The following PAK5 variants were observed in gnomAD, a reference collection of about 807,000 sequenced individuals.
PAK5 encodes serine/threonine-protein kinase PAK 5.
Under a neutral mutation model 65.9 loss-of-function variants are expected in PAK5, and 16 were observed. That is an observed-to-expected ratio of 0.24 (90% CI 0.16 to 0.37). The LOEUF (loss-of-function observed/expected upper bound fraction) is 0.37, where lower values mean the gene tolerates loss of function less well. Among genes scored for constraint, PAK5 ranks in the 10% least tolerant of loss-of-function variants. The pLI, the probability that PAK5 is intolerant of heterozygous loss-of-function variation, is 1.00. For synonymous variants in PAK5, 371 were observed against 354.9 expected (o/e 1.05, Z -0.51); for missense variants, 785 against 903.9 (o/e 0.87, Z 1.69).
chr20:9,641,079 T>C (rs991156152), intron 3 of PAK5, among the ~76,000 whole-genome samples: 2 of 152,104 alleles, frequency 1.3e-5, no homozygotes, highest in African/African-American at 4.8e-5. Flanking sequence ...AGGGTGCTGA[T>C]TGGTGCGTTT....
chr20:9,764,325 C>A (rs926502), intron 1 of PAK5, among the ~76,000 whole-genome samples: 109,504 of 151,886 alleles, frequency 0.72, 39,811 homozygotes, highest in East Asian at 0.89. Context: ...TGTGTAGATA[C>A]CATTAGGTCC....
At chr20:9,773,498 AT>A (rs1452654883) in intron 1 of PAK5, among the ~76,000 whole-genome samples, 2 of 151,756 alleles carry the variant, frequency 1.3e-5, no homozygotes, top group Non-Finnish European at 2.9e-5. Flanking sequence ...TTTCACTTCT[AT>A]TTTTCTGGAA....
chr20:9,733,901 T>TA (rs1295117627), intron 1 of PAK5, among the ~76,000 whole-genome samples: 1 of 152,162 alleles, frequency 6.6e-6, no homozygotes, highest in African/African-American at 2.4e-5. Flanking sequence ...AAAGTAAAAA[T>TA]AAAAATTAAA....
intron 1 of PAK5, among the ~76,000 whole-genome samples, chr20:9,775,150 A>G (rs2048874360): frequency 6.6e-6 from 1 of 152,166 alleles, no homozygotes; most frequent in Non-Finnish European, 1.5e-5. Context: ...TTTTAGAGTG[A>G]TAGAAATGTT....
At chr20:9,836,665 C>T (rs940746160) in intron 1 of PAK5, among the ~76,000 whole-genome samples, 1 of 151,980 alleles carries the variant, frequency 6.6e-6, no homozygotes, top group African/African-American at 2.4e-5. Context: ...TTATAACTGC[C>T]CTAGGAAACT....
intron 2 of PAK5, among the ~76,000 whole-genome samples, chr20:9,693,007 T>G (rs1166672288): frequency 6.6e-6 from 1 of 152,196 alleles, no homozygotes; most frequent in Non-Finnish European, 1.5e-5. Context: ...ACAGTAGCAA[T>G]GCTAGTTTCT....
At chr20:9,801,459 G>C (rs1324064782) in intron 1 of PAK5, among the ~76,000 whole-genome samples, 1 of 150,620 alleles carries the variant, frequency 6.6e-6, no homozygotes, top group Non-Finnish European at 1.5e-5. Context: ...TGTTCTTATG[G>C]AACTGTGAGA....
intron 1 of PAK5, among the ~76,000 whole-genome samples, chr20:9,742,584 T>C (rs2048462205): frequency 6.6e-6 from 1 of 152,168 alleles, no homozygotes. Flanking sequence ...CTCACAACCT[T>C]TGCTGTTACA....
At chr20:9,552,645 A>G (rs1430844096) in intron 7 of PAK5, among the ~76,000 whole-genome samples, 1 of 152,126 alleles carries the variant, frequency 6.6e-6, no homozygotes, top group Non-Finnish European at 1.5e-5. Flanking sequence ...TTTTGAGAGG[A>G]CAGAAAGCAT....
intron 3 of PAK5, among the ~76,000 whole-genome samples, chr20:9,642,633 A>T (rs2047084182): frequency 6.6e-6 from 1 of 152,192 alleles, no homozygotes; most frequent in Non-Finnish European, 1.5e-5. Flanking sequence ...TTATTATATG[A>T]TCATTAGTGA....
rs2122999952 is a variant in PAK5, at chr20:9,566,262, G to A, written c.1113C>T (p.His371=). 3 of 1,613,874 alleles carry A rather than the reference G, an allele frequency of 1.9e-6. No individual in the cohort carries two copies. The highest frequency in any genetic ancestry group is 2.5e-6 in the Non-Finnish European group (3 of 1,180,042). Residue 371 remains histidine, a synonymous_variant, in exon 5 of 10, where the codon CAC becomes CAT. Transcript: ENST00000353224. ...QSKSGYSSSS[H]QYPSGYHKAT... ...CTTTGTGGTACCCAGACGGGTACTG[G>A]TGACTGCTTGAGGAATAGCCCGATT...
Position 9,539,541 on chromosome 20 carries a change from A to G in PAK5, c.2081T>C (p.Leu694Pro). ...EPSQRATAQELLGHPFLKLAG... is the reference protein window; with the variant it reads ...EPSQRATAQEPLGHPFLKLAG... The stretch of plus-strand genomic sequence containing the variant: ...TAGTTTTAAGAATGGATGTCCGAGG[A>G]GTTCCTGGGCTGTTGCTCTCTGAGA... The change falls in exon 10 of 10, where the codon CTC becomes CCC. Residue 694 changes from leucine to proline, a missense_variant. By Grantham distance (98) the Leu-to-Pro change is moderately conservative (BLOSUM62 -3). Coordinates refer to ENST00000353224, the MANE Select transcript of PAK5 (RefSeq NM_177990.4). 1 of 1,613,812 alleles carries G rather than the reference A, an allele frequency of 6.2e-7. No individual in the cohort carries two copies. The highest frequency in any genetic ancestry group is 8.5e-7 in the Non-Finnish European group (1 of 1,179,844).
rs150725498 is a variant in PAK5 at position 9,618,915 on chromosome 20, G to GTTTTTTTTTTTTTTTTTTTTTTTTT, written c.204+25185_204+25209dup. Among the ~76,000 whole-genome samples the GTTTTTTTTTTTTTTTTTTTTTTTTT allele has an allele frequency of 6.4e-4, 12 of 18,816 alleles. 5 individuals carry two copies. Among genetic ancestry groups the GTTTTTTTTTTTTTTTTTTTTTTTTT allele is most frequent in the Non-Finnish European group, 1.1e-3 (12 of 11,140 alleles). The allele number at this position is 18,816 out of a possible 152,430, so 12.3% of individuals were successfully genotyped here. ...AGATTCTTTTCTCTCTCTTTCTTTC[G>GTTTTTTTTTTTTTTTTTTTTTTTTT]TTTTTTTTTTTTTTTTTTTTTTTTT... On this transcript the variant is annotated intron_variant, in intron 3 of 9. Transcript: ENST00000353224.
At chr20:9,642,171 A>T (rs561680997) in intron 3 of PAK5, among the ~76,000 whole-genome samples, 1 of 152,230 alleles carries the variant, frequency 6.6e-6, no homozygotes, top group Admixed American at 6.5e-5. Context: ...GTATATACCC[A>T]GTAATGGGAT....
chr20:9,672,313 T>C (rs535807546), intron 2 of PAK5, among the ~76,000 whole-genome samples: 39 of 149,124 alleles, frequency 2.6e-4, no homozygotes, highest in Non-Finnish European at 5.0e-4. Flanking sequence ...TTTTATTTAA[T>C]ATACATGTGA....
At chr20:9,555,485 A>T (rs1239379385) in intron 7 of PAK5, among the ~76,000 whole-genome samples, 1 of 152,210 alleles carries the variant, frequency 6.6e-6, no homozygotes, top group Non-Finnish European at 1.5e-5. Flanking sequence ...ACAGGGAAAG[A>T]AAGTCTTTCT....
At chr20:9,595,218 G>A (rs1478625393) in intron 3 of PAK5, among the ~76,000 whole-genome samples, 2 of 151,882 alleles carry the variant, frequency 1.3e-5, no homozygotes, top group African/African-American at 4.8e-5. Flanking sequence ...AAAAGAAACA[G>A]CAATTCAAAA....
intron 3 of PAK5, among the ~76,000 whole-genome samples, chr20:9,588,710 C>T (rs536590496): frequency 1.4e-4 from 22 of 152,216 alleles, no homozygotes; most frequent in African/African-American, 5.3e-4. Flanking sequence ...CAAAATTGTG[C>T]ACTTTTATAG....
chr20:9,698,360 A>G (rs1044748642), intron 2 of PAK5, among the ~76,000 whole-genome samples: 1 of 152,184 alleles, frequency 6.6e-6, no homozygotes, highest in African/African-American at 2.4e-5. Context: ...CCAGCCAGAA[A>G]GAGAGGATAG....
Sources: gnomAD v4.1 joint callset for allele counts (sites outside exome capture counted in the v4.1 genomes callset) on GRCh38, gnomAD v4.1.1 for gene constraint, MANE v1.5 for transcripts, NCBI Gene and HGNC (gene_info 2026-07-23, HGNC 2026-07-21) for gene names.